Variants in ABL1 observed in about 807,000 individuals in gnomAD.
ABL1 encodes tyrosine-protein kinase ABL1.
In ABL1, 11 loss-of-function variants were observed where a neutral mutation model predicts 94.7. The observed-to-expected ratio is 0.12, with a 90% CI of 0.07 to 0.19. ABL1 has a LOEUF of 0.19. Ranked by LOEUF, ABL1 falls within the 10% of genes least tolerant of loss-of-function variation. The pLI, the probability that ABL1 is intolerant of heterozygous loss-of-function variation, is 1.00. For missense variants in ABL1, 1,082 were observed against 1,489.4 expected, an observed-to-expected ratio of 0.73 and a Z score of 4.50; for synonymous variants, 656 against 622.4, an observed-to-expected ratio of 1.05 and a Z score of -0.80.
At chr9:130,869,813 T>TTTG (rs1168895772) in intron 4 of ABL1, among the ~76,000 whole-genome samples, 1 of 152,132 alleles carries the variant, frequency 6.6e-6, no homozygotes, top group Admixed American at 6.5e-5. Flanking sequence ...CGTAGGCTGT[T>TTTG]TTGTTGTTGT....
chr9:130,804,137 A>G lies in ABL1; in HGVS notation c.137-49927A>G, dbSNP rs559044953. ...TTTGGGAGGCTGAGGCGGGTGGATC[A>G]CGAGATCAGGAGATCGAGACAATCC... On this transcript the variant is annotated intron_variant, in intron 1 of 10. Coordinates refer to the ABL1 transcript ENST00000372348. 1.5e-3 allele frequency among the ~76,000 whole-genome samples: 223 copies of G among 152,142 alleles called. 1 individual carries two copies. Among genetic ancestry groups the G allele is most frequent in the Non-Finnish European group, 2.7e-3 (187 of 68,010 alleles).
At chr9:130,733,613 T>C (rs1831694612) in intron 1 of ABL1, among the ~76,000 whole-genome samples, 1 of 126,914 alleles carries the variant, frequency 7.9e-6, no homozygotes, top group South Asian at 2.7e-4. Flanking sequence ...AGAGTCTCAC[T>C]CGTTGCCCAG....
At chr9:130,841,622 C>A (rs1830673330) in intron 1 of ABL1, among the ~76,000 whole-genome samples, 1 of 151,496 alleles carries the variant, frequency 6.6e-6, no homozygotes, top group African/African-American at 2.4e-5. Flanking sequence ...ACCAGCCTGG[C>A]CAACATGCTG....
At chr9:130,764,025 A>G (rs35176963) in intron 1 of ABL1, among the ~76,000 whole-genome samples, 16 of 152,326 alleles carry the variant, frequency 1.1e-4, no homozygotes, top group Admixed American at 5.9e-4. Flanking sequence ...ACACTTAGGC[A>G]GAGACTGGGC....
In ABL1 at chr9:130,884,780, C is replaced by A. The variant is rs1175466922; in HGVS notation, c.2490C>A (p.Leu830=). 2 of 1,610,898 alleles carry A rather than the reference C, an allele frequency of 1.2e-6. No individual in the cohort carries two copies. Among genetic ancestry groups the A allele is most frequent in the African/African-American group, 2.7e-5 (2 of 74,870 alleles). Residue 830 remains leucine, a synonymous_variant, in exon 11 of 11, where the codon CTC becomes CTA. Coordinates refer to ENST00000318560, the MANE Select transcript of ABL1 (RefSeq NM_005157.6). The surrounding 1 kb of genome is among the most constrained non-coding windows in gnomAD (Gnocchi z 5.6). ...TCACCGTGGCCCCTGCCTCGGGCCT[C>A]CCCCACAAGGAAGAAGCTGGAAAGG... The part of the protein sequence containing the change: ...RQVTVAPASG[L]PHKEEAGKGS...
intron 1 of ABL1, among the ~76,000 whole-genome samples, chr9:130,847,326 CA>C (rs1197638775): frequency 3.3e-5 from 5 of 151,040 alleles, no homozygotes; most frequent in African/African-American, 1.2e-4. Flanking sequence ...AGACAATAGC[CA>C]AAAAGATCTG....
At chr9:130,790,605 G>A (rs1314327748) in intron 1 of ABL1, among the ~76,000 whole-genome samples, 2 of 151,276 alleles carry the variant, frequency 1.3e-5, no homozygotes, top group East Asian at 1.9e-4. Context: ...TGAGTAGTTG[G>A]GACTACATTA....
At chr9:130,762,540 T>C (rs570192240) in intron 1 of ABL1, among the ~76,000 whole-genome samples, 1 of 152,256 alleles carries the variant, frequency 6.6e-6, no homozygotes, top group Non-Finnish European at 1.5e-5. Flanking sequence ...TCACTTCCTG[T>C]GGGCTTGTGC....
At chr9:130,838,607 C>T (rs1228290248) in intron 1 of ABL1, among the ~76,000 whole-genome samples, 2 of 152,136 alleles carry the variant, frequency 1.3e-5, no homozygotes, top group East Asian at 3.8e-4. Context: ...TGCTCTCCAG[C>T]TTTTTGTGAA....
chr9:130,880,259 C>T lies in ABL1; in HGVS notation c.1513+102C>T. On this transcript the variant is annotated intron_variant, in intron 9 of 10. Coordinates refer to ENST00000318560, the MANE Select transcript of ABL1 (RefSeq NM_005157.6). This position sits in a 1 kb window ranked among gnomAD's most constrained non-coding sequence, Gnocchi z 4.4. ...TCACTTCCTGGTGAAAGTTCACAGA[C>T]CAGCCTGTCCTGAGACCAGAAAGCT... 1 of 1,310,390 alleles carries T rather than the reference C, an allele frequency of 7.6e-7. No individual in the cohort carries two copies. The highest frequency in any genetic ancestry group is 1.2e-5 in the South Asian group (1 of 82,918). The allele number at this position is 1,310,390 out of a possible 1,614,324, so 81.2% of individuals were successfully genotyped here.
intron 1 of ABL1, among the ~76,000 whole-genome samples, chr9:130,746,055 A>G (rs1056838746): frequency 5.9e-5 from 9 of 152,146 alleles, no homozygotes; most frequent in Non-Finnish European, 1.5e-5. Context: ...CATTAAAATC[A>G]TGGGTTTATC....
At chr9:130,869,229 A>G (rs965876968) in intron 4 of ABL1, among the ~76,000 whole-genome samples, 4 of 152,194 alleles carry the variant, frequency 2.6e-5, no homozygotes, top group Admixed American at 6.5e-5. Flanking sequence ...TGAGAAGACA[A>G]ACAACCCTAG....
chr9:130,845,302 C>G (rs1191191861), intron 1 of ABL1, among the ~76,000 whole-genome samples: 2 of 152,006 alleles, frequency 1.3e-5, no homozygotes, highest in African/African-American at 2.4e-5. Context: ...ACAAAATTCT[C>G]CATCCTAACT....
At chr9:130,714,704 T>G (rs1831415764) in intron 1 of ABL1, among the ~76,000 whole-genome samples, 2 of 152,216 alleles carry the variant, frequency 1.3e-5, no homozygotes, top group Non-Finnish European at 2.9e-5. Context: ...CTGTTGACCT[T>G]GGACAAGCCA....
At chr9:130,874,824 A>T (rs769717542) in intron 6 of ABL1, 44 bp from the exon 7 acceptor site, 1 of 1,596,894 alleles carries the variant, frequency 6.3e-7, no homozygotes. Context: ...GTGAAGTGGA[A>T]GGTTGGCCAG....
At chr9:130,723,209 T>C (rs1325325854) in intron 1 of ABL1, among the ~76,000 whole-genome samples, 2 of 152,128 alleles carry the variant, frequency 1.3e-5, no homozygotes, top group African/African-American at 4.8e-5. Flanking sequence ...CCCTGCCTTT[T>C]TGGTAGTTGT....
chr9:130,879,393 C>G (rs567361274), intron 8 of ABL1, among the ~76,000 whole-genome samples: 1 of 152,290 alleles, frequency 6.6e-6, no homozygotes, highest in African/African-American at 2.4e-5. Flanking sequence ...TTCACTCATT[C>G]ATCCGGTCCT....
intron 1 of ABL1, among the ~76,000 whole-genome samples, chr9:130,764,156 C>T (rs570997883): frequency 1.3e-5 from 2 of 152,170 alleles, no homozygotes; most frequent in South Asian, 4.2e-4. Flanking sequence ...GCAAGGCGGG[C>T]CAGGGTCAGA....
intron 1 of ABL1, among the ~76,000 whole-genome samples, chr9:130,829,287 A>G (rs1830463788): frequency 6.6e-6 from 1 of 152,210 alleles, no homozygotes; most frequent in Non-Finnish European, 1.5e-5. Flanking sequence ...GAGCCCGGGC[A>G]CGGTGGCTCA....
Sources: gnomAD v4.1 joint callset for allele counts (sites outside exome capture counted in the v4.1 genomes callset) on GRCh38, gnomAD v4.1.1 for gene constraint, Gnocchi (gnomAD v3.1) non-coding constraint, MANE v1.5 for transcripts, NCBI Gene and HGNC (gene_info 2026-07-23, HGNC 2026-07-21) for gene names.